Variants in SYNPR observed in about 807,000 individuals in gnomAD.
SYNPR encodes synaptoporin.
In SYNPR, 23 loss-of-function variants were observed where a neutral mutation model predicts 32.9. That is an observed-to-expected ratio of 0.70 (90% CI 0.50 to 0.99). SYNPR has a LOEUF of 0.99. Among genes scored for constraint, SYNPR ranks in the 50% least tolerant of loss-of-function variants. The pLI, the probability that SYNPR is intolerant of heterozygous loss-of-function variation, is 0.00. For missense variants in SYNPR, 318 were observed against 349.3 expected, an observed-to-expected ratio of 0.91 and a Z score of 0.71; for synonymous variants, 146 against 135.9, an observed-to-expected ratio of 1.07 and a Z score of -0.52.
intron 3 of SYNPR, among the ~76,000 whole-genome samples, chr3:63,519,194 T>A (rs938673402): frequency 2.6e-5 from 4 of 152,192 alleles, no homozygotes; most frequent in Admixed American, 2.0e-4. Context: ...GCATCGATGT[T>A]CATCAGGGAT....
chr3:63,467,715 T>C (rs979912473), intron 2 of SYNPR, among the ~76,000 whole-genome samples: 13 of 152,228 alleles, frequency 8.5e-5, no homozygotes, highest in Admixed American at 2.0e-4. Context: ...CCTGCTCATC[T>C]GGAATGTCTG....
chr3:63,430,500 T>C (rs1438516363), intron 2 of SYNPR, among the ~76,000 whole-genome samples: 1 of 152,124 alleles, frequency 6.6e-6, no homozygotes, highest in Non-Finnish European at 1.5e-5. Flanking sequence ...GATCAGCCAG[T>C]GTGGAAGTAC....
chr3:63,399,721 G>A (rs2088264275), intron 2 of SYNPR, among the ~76,000 whole-genome samples: 1 of 152,088 alleles, frequency 6.6e-6, no homozygotes, highest in Admixed American at 6.6e-5. Context: ...ATTGTGCCAA[G>A]TTTACTCCCT....
intron 3 of SYNPR, among the ~76,000 whole-genome samples, chr3:63,486,054 G>A (rs1701142620): frequency 6.6e-6 from 1 of 152,128 alleles, no homozygotes; most frequent in Non-Finnish European, 1.5e-5. Flanking sequence ...GATTACAGAT[G>A]TGCACCACCA....
At chr3:63,387,279 T>C (rs1177603331) in intron 2 of SYNPR, among the ~76,000 whole-genome samples, 2 of 152,196 alleles carry the variant, frequency 1.3e-5, no homozygotes, top group Non-Finnish European at 2.9e-5. Flanking sequence ...TCTATTTAAA[T>C]AAAGGTAAGT....
At chr3:63,235,240 G>T (rs1374255515) in intron 1 of SYNPR, among the ~76,000 whole-genome samples, 1 of 152,150 alleles carries the variant, frequency 6.6e-6, no homozygotes, top group Non-Finnish European at 1.5e-5. Context: ...CAGGAAACAG[G>T]CCTGTTGGCT....
intron 2 of SYNPR, among the ~76,000 whole-genome samples, chr3:63,420,648 T>C (rs184877640): frequency 6.6e-6 from 1 of 152,230 alleles, no homozygotes; most frequent in East Asian, 1.9e-4. Flanking sequence ...AGGAATTTCT[T>C]AAAACAAGTA....
chr3:63,598,915 T>C (rs574341169), intron 4 of SYNPR, among the ~76,000 whole-genome samples: 25 of 152,366 alleles, frequency 1.6e-4, no homozygotes, highest in African/African-American at 4.6e-4. Context: ...TTGTAAACAA[T>C]TGGATTCTTG....
chr3:63,587,224 C>T (rs1703201776), intron 4 of SYNPR, among the ~76,000 whole-genome samples: 1 of 152,082 alleles, frequency 6.6e-6, no homozygotes, highest in Admixed American at 6.6e-5. Context: ...CTGTCTTCAC[C>T]ATCATCATCA....
chr3:63,591,699 C>T (rs1284878623), intron 4 of SYNPR, among the ~76,000 whole-genome samples: 2 of 130,940 alleles, frequency 1.5e-5, no homozygotes, highest in Non-Finnish European at 3.2e-5. Flanking sequence ...AGTAAACTAT[C>T]GCAAGAACAA....
chr3:63,583,438 T>C (rs183593848), intron 4 of SYNPR, among the ~76,000 whole-genome samples: 5 of 152,218 alleles, frequency 3.3e-5, no homozygotes, highest in African/African-American at 1.2e-4. Context: ...AATATAAGTT[T>C]CTTCTGGGGA....
At chr3:63,430,738 C>T in intron 2 of SYNPR, among the ~76,000 whole-genome samples, 1 of 152,070 alleles carries the variant, frequency 6.6e-6, no homozygotes, top group Non-Finnish European at 1.5e-5. Flanking sequence ...ATTTTCATCA[C>T]TTATTTGTTG....
chr3:63,529,502 A>G (rs1408298677), intron 3 of SYNPR, among the ~76,000 whole-genome samples: 1 of 152,144 alleles, frequency 6.6e-6, no homozygotes, highest in Non-Finnish European at 1.5e-5. Flanking sequence ...AATCACAGAG[A>G]TTCTGTGGCT....
chr3:63,512,056 G>A (rs79242214), intron 3 of SYNPR, among the ~76,000 whole-genome samples: 3,257 of 151,994 alleles, frequency 0.021, 65 homozygotes, highest in East Asian at 0.051. Context: ...ATACACAAGC[G>A]AGTAATTAGG....
intron 2 of SYNPR, among the ~76,000 whole-genome samples, chr3:63,380,187 G>C (rs551067707): frequency 2.0e-5 from 3 of 151,986 alleles, no homozygotes; most frequent in Admixed American, 6.6e-5. Flanking sequence ...ATTTATAATC[G>C]TTTGGGTATA....
intron 3 of SYNPR, among the ~76,000 whole-genome samples, chr3:63,520,690 G>A (rs1374004374): frequency 2.8e-5 from 4 of 140,486 alleles, no homozygotes; most frequent in African/African-American, 1.1e-4. Flanking sequence ...AAAAAAATCA[G>A]AGTGATCATC....
At chr3:63,504,925 A>T (rs978488918) in intron 3 of SYNPR, among the ~76,000 whole-genome samples, 5 of 152,178 alleles carry the variant, frequency 3.3e-5, no homozygotes, top group African/African-American at 9.7e-5. Flanking sequence ...TGATAAAAAG[A>T]GAGCAAATCA....
chr3:63,607,312 A>G (rs1463296285), intron 4 of SYNPR, among the ~76,000 whole-genome samples: 1 of 152,240 alleles, frequency 6.6e-6, no homozygotes, highest in Non-Finnish European at 1.5e-5. Context: ...GAATGAAGGT[A>G]CCAGATTGAA....
At chr3:63,390,643 G>A (rs542283804) in intron 2 of SYNPR, among the ~76,000 whole-genome samples, 8 of 152,312 alleles carry the variant, frequency 5.3e-5, no homozygotes, top group South Asian at 2.1e-4. Context: ...CTAGGGCTTC[G>A]GGTTCCCCAT....
Sources: gnomAD v4.1 joint callset for allele counts (sites outside exome capture counted in the v4.1 genomes callset) on GRCh38, gnomAD v4.1.1 for gene constraint, MANE v1.5 for transcripts, NCBI Gene and HGNC (gene_info 2026-07-23, HGNC 2026-07-21) for gene names.